The following SLC8A1 variants were observed in gnomAD, a reference collection of about 807,000 sequenced individuals.
The protein encoded by SLC8A1 is sodium/calcium exchanger 1.
SLC8A1 carries 18 observed loss-of-function variants against 68.3 expected under a neutral mutation model. The ratio of observed to expected loss-of-function variants is 0.26; its 90% CI spans 0.18 to 0.39. The LOEUF is 0.39. Among genes scored for constraint, SLC8A1 ranks in the 10% least tolerant of loss-of-function variants. The pLI is 1.00. For synonymous variants in SLC8A1, 475 were observed against 415.5 expected, an observed-to-expected ratio of 1.14 and a Z score of -1.74; for missense variants, 985 against 1,156.7, an observed-to-expected ratio of 0.85 and a Z score of 2.15.
At chr2:40,498,623 C>T (rs967587038) in intron 1 of SLC8A1, among the ~76,000 whole-genome samples, 1 of 152,076 alleles carries the variant, frequency 6.6e-6, no homozygotes, top group Admixed American at 6.6e-5. Context: ...TTAATGTAAT[C>T]CTTCCTAACA....
chr2:40,259,781 C>G (rs2064440289), intron 2 of SLC8A1, among the ~76,000 whole-genome samples: 1 of 152,158 alleles, frequency 6.6e-6, no homozygotes, highest in Admixed American at 6.5e-5. Flanking sequence ...AGTCTTTTTA[C>G]TCAAACTTTG....
intron 2 of SLC8A1, among the ~76,000 whole-genome samples, chr2:40,274,876 G>A (rs564293083): frequency 1.3e-5 from 2 of 152,218 alleles, no homozygotes; most frequent in African/African-American, 2.4e-5. Context: ...AAGCTGTGTC[G>A]TGTATCACTC....
chr2:40,478,792 A>G (rs1704449863), intron 1 of SLC8A1, among the ~76,000 whole-genome samples: 1 of 149,198 alleles, frequency 6.7e-6, no homozygotes, highest in African/African-American at 2.5e-5. Context: ...TTTTTTTTAG[A>G]CAGAGTTTCG....
At chr2:40,225,709 G>T (rs2148867149) in intron 2 of SLC8A1, among the ~76,000 whole-genome samples, 1 of 152,268 alleles carries the variant, frequency 6.6e-6, no homozygotes, top group Middle Eastern at 3.4e-3. Flanking sequence ...GTGTTCCAGT[G>T]GGAGTTGGGG....
intron 5 of SLC8A1, 126 bp from the exon 9 acceptor site, chr2:40,160,990 G>T: frequency 1.5e-6 from 1 of 656,134 alleles, no homozygotes; most frequent in Non-Finnish European, 2.7e-6. Context: ...CAAAACAACA[G>T]TATTGACATC....
In SLC8A1 at chr2:40,392,975, G is replaced by T. The variant is rs530372383; in HGVS notation, c.1808+35498C>A. ...CTAGTAAATCTACTTTATTTTGCTGGCAGGAGTCAGCAGACAAAAGAGGAG... is the reference window on the plus strand; with the variant it reads ...CTAGTAAATCTACTTTATTTTGCTGTCAGGAGTCAGCAGACAAAAGAGGAG... On this transcript the variant is annotated intron_variant, in intron 2 of 7. Transcript: ENST00000406785. Among the ~76,000 whole-genome samples, 202 of 152,152 alleles carry T rather than the reference G, an allele frequency of 1.3e-3. 1 individual carries two copies. The highest frequency in any genetic ancestry group is 4.6e-3 in the African/African-American group (193 of 41,552).
intron 2 of SLC8A1, among the ~76,000 whole-genome samples, chr2:40,320,271 A>T (rs1353821949): frequency 1.3e-5 from 2 of 152,140 alleles, no homozygotes; most frequent in African/African-American, 4.8e-5. Flanking sequence ...ATGCAAAAAT[A>T]AACATCCGAT....
intron 2 of SLC8A1, among the ~76,000 whole-genome samples, chr2:40,322,821 AAC>A (rs5830620): frequency 0.045 from 6,619 of 147,092 alleles, 383 homozygotes; most frequent in African/African-American, 0.14. Context: ...TTTATTGGGT[AAC>A]ACACACACAC....
chr2:40,277,821 T>TAC (rs1553469385), intron 2 of SLC8A1, among the ~76,000 whole-genome samples: 1,567 of 137,362 alleles, frequency 0.011, 31 homozygotes, highest in African/African-American at 0.039. Context: ...TATATATATA[T>TAC]ATATATATAT....
intron 2 of SLC8A1, among the ~76,000 whole-genome samples, chr2:40,310,643 C>A (rs1034922703): frequency 1.3e-5 from 2 of 152,094 alleles, no homozygotes; most frequent in Middle Eastern, 3.2e-3. Context: ...TTCTTTAGCA[C>A]CATGGTTTTG....
intron 2 of SLC8A1, among the ~76,000 whole-genome samples, chr2:40,227,321 T>C (rs1321929268): frequency 2.0e-5 from 3 of 152,046 alleles, no homozygotes; most frequent in East Asian, 1.9e-4. Context: ...CAGCTTGAGA[T>C]TGAATGAGTA....
chr2:40,388,518 T>A (rs1308432648), intron 2 of SLC8A1, among the ~76,000 whole-genome samples: 3 of 152,172 alleles, frequency 2.0e-5, no homozygotes, highest in African/African-American at 7.2e-5. Context: ...TAGGCTCATT[T>A]ACTGATGAGA....
In SLC8A1 at chr2:40,277,821, T is replaced by C. The variant is rs866852273; in HGVS notation, c.1809-99966A>G. Among the ~76,000 whole-genome samples the C allele has an allele frequency of 1.7e-3, 235 of 137,348 alleles. 1 individual carries two copies. The highest frequency in any genetic ancestry group is 5.9e-3 in the African/African-American group (223 of 38,082). The allele number at this position is 137,348 out of a possible 152,430, so 90.1% of individuals were successfully genotyped here. A position where few individuals can be genotyped will look rare whatever the true frequency, so the allele number is the denominator to read the frequency against. On this transcript the variant is annotated intron_variant, in intron 2 of 7. Coordinates refer to ENST00000406785, the Ensembl canonical transcript of SLC8A1. ...ATATATATATATATATATATATATA[T>C]ATATATATATTTGTAACATATGGTT...
chr2:40,448,485 A>G lies in SLC8A1; in HGVS notation c.-25+3419T>C, dbSNP rs1358529101. ...TATTTATTTCCACTAAATCTCAGCT[A>G]TATCTCTAGGGAACAGAAATACCTT... On this transcript the variant is annotated intron_variant, in intron 1 of 7. Transcript: ENST00000406785. 2.0e-5 allele frequency among the ~76,000 whole-genome samples: 3 copies of G among 152,190 alleles called. No individual in the cohort carries two copies. The South Asian group carries it at 6.2e-4, about 32-fold the overall frequency.
At chr2:40,443,741 G>A (rs1700937162) in intron 1 of SLC8A1, among the ~76,000 whole-genome samples, 1 of 152,162 alleles carries the variant, frequency 6.6e-6, no homozygotes, top group Admixed American at 6.5e-5. Context: ...TGTCCTTGGA[G>A]AAGTCATTTT....
chr2:40,485,355 C>A (rs1442485107), intron 1 of SLC8A1, among the ~76,000 whole-genome samples: 2 of 152,136 alleles, frequency 1.3e-5, no homozygotes, highest in Non-Finnish European at 2.9e-5. Context: ...AGGTTTATAT[C>A]TAGGTAAAAG....
At chr2:40,359,061 A>G (rs1002895198) in intron 2 of SLC8A1, among the ~76,000 whole-genome samples, 1 of 152,176 alleles carries the variant, frequency 6.6e-6, no homozygotes, top group African/African-American at 2.4e-5. Flanking sequence ...AAGAAGGTCA[A>G]CATACAAAGC....
At chr2:40,424,500 T>A (rs897113086) in intron 2 of SLC8A1, among the ~76,000 whole-genome samples, 6 of 151,252 alleles carry the variant, frequency 4.0e-5, no homozygotes, top group Non-Finnish European at 7.4e-5. Flanking sequence ...CCAAAAAGAG[T>A]AAAATGTGAT....
At chr2:40,315,674 G>C (rs2074349579) in intron 2 of SLC8A1, among the ~76,000 whole-genome samples, 1 of 151,978 alleles carries the variant, frequency 6.6e-6, no homozygotes, top group Admixed American at 6.6e-5. Context: ...TCACTGTCTT[G>C]TCTGAAATCA....
Sources: allele counts gnomAD v4.1 joint callset (sites outside exome capture counted in the v4.1 genomes callset), GRCh38; gene constraint gnomAD v4.1.1; transcripts MANE v1.5; gene names NCBI Gene and HGNC (gene_info 2026-07-23, HGNC 2026-07-21).